Variants in TRIO observed in about 807,000 individuals in gnomAD.
TRIO encodes trio Rho guanine nucleotide exchange factor, also known as triple functional domain protein.
Under a neutral mutation model 351.9 loss-of-function variants are expected in TRIO, and 58 were observed. The ratio of observed to expected loss-of-function variants is 0.16; its 90% CI spans 0.13 to 0.21. TRIO has a LOEUF of 0.21. Ranked by LOEUF, TRIO falls within the 10% of genes least tolerant of loss-of-function variation. TRIO has a pLI of 1.00. For missense variants in TRIO, 3,201 were observed against 4,027.8 expected, an observed-to-expected ratio of 0.79 and a Z score of 5.56; for synonymous variants, 1,758 against 1,595.7, an observed-to-expected ratio of 1.10 and a Z score of -2.42.
intron 34 of TRIO, among the ~76,000 whole-genome samples, chr5:14,450,984 A>G (rs1752814138): frequency 6.6e-6 from 1 of 152,254 alleles, no homozygotes; most frequent in Non-Finnish European, 1.5e-5. Flanking sequence ...ATGAACACAT[A>G]GAAGTCAGCC....
At chr5:14,374,731 A>G (rs923482273) in intron 19 of TRIO, among the ~76,000 whole-genome samples, 2 of 152,224 alleles carry the variant, frequency 1.3e-5, no homozygotes, top group African/African-American at 4.8e-5. Context: ...TCCCAATTTT[A>G]TCACTATAAA....
At position 14,316,577 on chromosome 5, in the gene TRIO, A is replaced by T; in HGVS notation, c.1565A>T (p.Asp522Val). The change falls in exon 9 of 57, where the codon GAT becomes GTT. Residue 522 changes from aspartate to valine, a missense_variant. Physicochemically the swap from Asp to Val is radical, Grantham distance 152. This residue lies in a region of TRIO where 349 missense variants were observed against 449.3 expected (regional missense o/e 0.78). Coordinates refer to ENST00000344204, the MANE Select transcript of TRIO (RefSeq NM_007118.4). ...LQRPLTPGSS[D>V]SLTASANYSK... ...CGGCCCTTGACTCCCGGCAGCTCCG[A>T]TTCCCTGACAGCCTCTGCCAACTAC... 6.2e-7 allele frequency: 1 copy of T among 1,614,186 alleles called. No individual in the cohort carries two copies. Among genetic ancestry groups the T allele is most frequent in the Non-Finnish European group, 8.5e-7 (1 of 1,180,046 alleles).
At chr5:14,421,938 T>C (rs182704537) in intron 34 of TRIO, among the ~76,000 whole-genome samples, 4 of 152,262 alleles carry the variant, frequency 2.6e-5, no homozygotes, top group African/African-American at 9.6e-5. Flanking sequence ...TTGCCTCTGC[T>C]CAGCCCCACA....
At chr5:14,244,296 T>C (rs1794311492) in intron 1 of TRIO, among the ~76,000 whole-genome samples, 1 of 152,238 alleles carries the variant, frequency 6.6e-6, no homozygotes, top group South Asian at 2.1e-4. Context: ...TAATTTATGA[T>C]ATTTAATATA....
At chr5:14,269,944 C>G (rs1274983190) in intron 1 of TRIO, among the ~76,000 whole-genome samples, 2 of 152,100 alleles carry the variant, frequency 1.3e-5, no homozygotes, top group African/African-American at 4.8e-5. Flanking sequence ...GGTAGGCATC[C>G]CTGAACCTAG....
intron 33 of TRIO, among the ~76,000 whole-genome samples, chr5:14,415,692 T>C (rs892424413): frequency 1.3e-5 from 2 of 152,218 alleles, no homozygotes; most frequent in African/African-American, 4.8e-5. Flanking sequence ...AGTAAGTTGT[T>C]TATTTTCAGT....
At chr5:14,502,287 C>G (rs1757351789) in intron 53 of TRIO, among the ~76,000 whole-genome samples, 1 of 152,172 alleles carries the variant, frequency 6.6e-6, no homozygotes, top group African/African-American at 2.4e-5. Context: ...AAAGTAAAAG[C>G]AGTTTTTACT....
chr5:14,171,392 G>GT (rs1330559267), intron 1 of TRIO, among the ~76,000 whole-genome samples: 1 of 152,162 alleles, frequency 6.6e-6, no homozygotes, highest in African/African-American at 2.4e-5. Context: ...GTTTTTCAGT[G>GT]TTTGAAAGAC....
intron 19 of TRIO, among the ~76,000 whole-genome samples, chr5:14,377,338 C>T (rs1037177820): frequency 2.0e-5 from 3 of 151,930 alleles, no homozygotes; most frequent in Non-Finnish European, 4.4e-5. Flanking sequence ...CTCTGCCTCC[C>T]AGGTTCAAGG....
intron 1 of TRIO, among the ~76,000 whole-genome samples, chr5:14,152,212 A>G (rs1366201780): frequency 2.6e-5 from 4 of 152,200 alleles, no homozygotes; most frequent in African/African-American, 7.2e-5. Context: ...ATTTAAGTTC[A>G]TGATTATGAG....
chr5:14,252,032 T>C (rs983335170), intron 1 of TRIO, among the ~76,000 whole-genome samples: 1 of 151,514 alleles, frequency 6.6e-6, no homozygotes, highest in Admixed American at 6.6e-5. Context: ...CTGTAAAATA[T>C]GACATTGAAA....
chr5:14,416,824 G>A (rs1749683801), intron 33 of TRIO, among the ~76,000 whole-genome samples: 1 of 152,182 alleles, frequency 6.6e-6, no homozygotes, highest in African/African-American at 2.4e-5. Context: ...GGCAGCCAGA[G>A]GGCAGGTGAT....
At chr5:14,364,610 G>T (rs759337375) in intron 14 of TRIO, 40 bp from the exon 15 acceptor site, 1 of 1,575,206 alleles carries the variant, frequency 6.3e-7, no homozygotes, top group Non-Finnish European at 8.6e-7. Flanking sequence ...GAAGGTTGAA[G>T]TGCTAGCTGA....
intron 10 of TRIO, among the ~76,000 whole-genome samples, chr5:14,332,661 T>G (rs1371871538): frequency 6.6e-6 from 1 of 152,230 alleles, no homozygotes; most frequent in Non-Finnish European, 1.5e-5. Flanking sequence ...GGGTACCAAA[T>G]CTTCTCATCT....
intron 53 of TRIO, among the ~76,000 whole-genome samples, chr5:14,500,149 C>A (rs1381266478): frequency 2.0e-5 from 3 of 152,190 alleles, no homozygotes; most frequent in African/African-American, 7.2e-5. Flanking sequence ...TCAGCTGCAC[C>A]CCTAAAGGTC....
At position 14,504,765 on chromosome 5, in the gene TRIO, A is replaced by C. The variant is rs866605731; in HGVS notation, c.8612+172A>C. On this transcript the variant is annotated intron_variant, in intron 55 of 56. Coordinates refer to ENST00000344204, the MANE Select transcript of TRIO (RefSeq NM_007118.4). ...AGTTTTCAAGCCTTCCAGTAATGGC[A>C]GAAAGCAGTGTGGTCTTCCACAGGG... 1.1e-5 allele frequency: 9 copies of C among 791,880 alleles called. No individual in the cohort carries two copies. The South Asian group carries it at 1.6e-4, about 14-fold the overall frequency. 49.1% of individuals were successfully genotyped at this position (791,880 alleles called of 1,614,324 possible). A position where few individuals can be genotyped will look rare whatever the true frequency, so the allele number is the denominator to read the frequency against.
At chr5:14,204,308 C>T (rs956004661) in intron 1 of TRIO, among the ~76,000 whole-genome samples, 1 of 152,122 alleles carries the variant, frequency 6.6e-6, no homozygotes, top group African/African-American at 2.4e-5. Context: ...GGAAGGAGTT[C>T]TGCACTGCCA....
At chr5:14,183,882 G>C in intron 1 of TRIO, 1 of 688,382 alleles carries the variant, frequency 1.5e-6, no homozygotes, top group Non-Finnish European at 2.7e-6. Context: ...GATAGTGACT[G>C]TTTTACTTCG....
intron 5 of TRIO, among the ~76,000 whole-genome samples, chr5:14,291,776 G>A (rs1736928188): frequency 8.4e-6 from 1 of 118,956 alleles, no homozygotes; most frequent in Admixed American, 1.0e-4. Flanking sequence ...GCGACAGAGT[G>A]AGACTCCGTC....
Sources: allele counts gnomAD v4.1 joint callset (sites outside exome capture counted in the v4.1 genomes callset), GRCh38; gene constraint gnomAD v4.1.1; regional missense constraint gnomAD v4.1.1; transcripts MANE v1.5; gene names NCBI Gene and HGNC (gene_info 2026-07-23, HGNC 2026-07-21).